The following ZCCHC4 variants were observed in gnomAD, a reference collection of about 807,000 sequenced individuals.
The protein encoded by ZCCHC4 is zinc finger CCHC-type containing 4, also known as rRNA N(6)-adenosine-methyltransferase ZCCHC4.
A neutral mutation model predicts 67.7 loss-of-function variants in ZCCHC4; 54 were observed. The observed-to-expected ratio is 0.80, with a 90% confidence interval of 0.64 to 1.00. The LOEUF (loss-of-function observed/expected upper bound fraction) is 1.00, where lower values mean the gene tolerates loss of function less well. ZCCHC4 is among the 50% of genes least tolerant of loss of function. The pLI is 0.00. For synonymous variants in ZCCHC4, 198 were observed against 213.5 expected, an observed-to-expected ratio of 0.93 and a Z score of 0.63; for missense variants, 609 against 617.0, an observed-to-expected ratio of 0.99 and a Z score of 0.14.
chr4:25,368,433 G>C (rs1412547373), intron 12 of ZCCHC4, among the ~76,000 whole-genome samples: 1 of 152,186 alleles, frequency 6.6e-6, no homozygotes, highest in Non-Finnish European at 1.5e-5. Flanking sequence ...TGTTTTCAGA[G>C]GGTGAGTTCC....
At chr4:25,316,935 C>T (rs1398257642) in intron 3 of ZCCHC4, among the ~76,000 whole-genome samples, 1 of 152,064 alleles carries the variant, frequency 6.6e-6, no homozygotes, top group Non-Finnish European at 1.5e-5. Context: ...AAATACTAAA[C>T]CAAACTTTAA....
At chr4:25,341,415 T>C (rs1719751025) in intron 5 of ZCCHC4, among the ~76,000 whole-genome samples, 1 of 152,190 alleles carries the variant, frequency 6.6e-6, no homozygotes, top group Non-Finnish European at 1.5e-5. Context: ...TATTAGTTCA[T>C]GCAAGAGCTG....
chr4:25,367,526 G>T (rs974615861), intron 12 of ZCCHC4, among the ~76,000 whole-genome samples: 38 of 152,282 alleles, frequency 2.5e-4, no homozygotes, highest in African/African-American at 7.5e-4. Context: ...TTTGCCATTA[G>T]AGATTATACT....
chr4:25,340,731 T>C (rs1418573337), intron 5 of ZCCHC4, among the ~76,000 whole-genome samples: 1 of 152,224 alleles, frequency 6.6e-6, no homozygotes, highest in Non-Finnish European at 1.5e-5. Context: ...TCTCTAGATG[T>C]TTTATTATTT....
chr4:25,333,094 A>G, intron 3 of ZCCHC4, 89 bp from the exon 4 acceptor site: 4 of 1,346,848 alleles, frequency 3.0e-6, no homozygotes, highest in Non-Finnish European at 4.0e-6. Flanking sequence ...AAGTAAAAAT[A>G]CTTTTTGGAT....
intron 3 of ZCCHC4, among the ~76,000 whole-genome samples, chr4:25,326,594 G>A (rs1225050714): frequency 6.6e-6 from 1 of 151,926 alleles, no homozygotes. Flanking sequence ...TGATTACTGT[G>A]ACTTTATAAT....
intron 3 of ZCCHC4, among the ~76,000 whole-genome samples, chr4:25,329,936 A>G (rs1243666300): frequency 2.0e-5 from 3 of 152,202 alleles, no homozygotes; most frequent in African/African-American, 4.8e-5. Flanking sequence ...TAATGTCTCT[A>G]CCAATATCAT....
intron 8 of ZCCHC4, among the ~76,000 whole-genome samples, chr4:25,356,296 A>G (rs1273810121): frequency 6.6e-6 from 1 of 152,214 alleles, no homozygotes; most frequent in African/African-American, 2.4e-5. Context: ...GCAATTTGCA[A>G]AATTGTGTTT....
intron 5 of ZCCHC4, among the ~76,000 whole-genome samples, chr4:25,342,748 C>G (rs1340135400): frequency 6.6e-6 from 1 of 152,022 alleles, no homozygotes; most frequent in Non-Finnish European, 1.5e-5. Context: ...TTCTTTGTGG[C>G]CAATTTCATT....
rs1177196087 is a variant in ZCCHC4, at chr4:25,369,998, GATTATA to G, written c.*845_*850del. 1 of 152,132 alleles carries G rather than the reference GATTATA, an allele frequency of 6.6e-6. No individual in the cohort carries two copies. The highest frequency in any genetic ancestry group is 1.5e-5 in the Non-Finnish European group (1 of 68,026). 9.4% of individuals were successfully genotyped at this position (152,132 alleles called of 1,614,324 possible). A position where few individuals can be genotyped will look rare whatever the true frequency, so the allele number is the denominator to read the frequency against. On this transcript the variant is annotated 3_prime_UTR_variant, in exon 13 of 13. Coordinates refer to ENST00000302874, the MANE Select transcript of ZCCHC4 (RefSeq NM_024936.3). ...TACAAAGGCACTGTTTAGATATACAGATTATAATTATAATTACATTATTATTAAATA... is the reference window on the plus strand; with the variant it reads ...TACAAAGGCACTGTTTAGATATACAGATTATAATTACATTATTATTAAATA...
At chr4:25,350,305 G>A (rs544645118) in intron 7 of ZCCHC4, among the ~76,000 whole-genome samples, 1 of 126,946 alleles carries the variant, frequency 7.9e-6, no homozygotes, top group Admixed American at 9.8e-5. Flanking sequence ...CTGTCACCCA[G>A]TCTGGAGTGC....
At chr4:25,327,466 C>T (rs11930401) in intron 3 of ZCCHC4, among the ~76,000 whole-genome samples, 12,218 of 150,182 alleles carry the variant, frequency 0.081, 568 homozygotes, top group South Asian at 0.12. Flanking sequence ...TGCTTCGTCC[C>T]CCACCACCCT....
At position 25,369,572 on chromosome 4, in the gene ZCCHC4, T is replaced by TA. The variant is rs377168994; in HGVS notation, c.*409dup. On this transcript the variant is annotated 3_prime_UTR_variant, in exon 13 of 13. Coordinates refer to ENST00000302874, the MANE Select transcript of ZCCHC4 (RefSeq NM_024936.3). ...CCTTAGCCTCCTGAGTAGCTGGAAT[T>TA]ATAGGCACATGCCACCACGACTGGC... 3.6e-5 allele frequency: 6 copies of TA among 165,298 alleles called. No individual in the cohort carries two copies. Among genetic ancestry groups the TA allele is most frequent in the African/African-American group, 1.4e-4 (6 of 41,556 alleles). 10.2% of individuals were successfully genotyped at this position (165,298 alleles called of 1,614,324 possible).
intron 8 of ZCCHC4, 113 bp downstream of exon 8, chr4:25,351,802 ATAT>A: frequency 9.7e-7 from 1 of 1,035,914 alleles, no homozygotes; most frequent in Middle Eastern, 2.2e-4. Context: ...TTAAACACTA[ATAT>A]TATACCATAT....
intron 5 of ZCCHC4, among the ~76,000 whole-genome samples, chr4:25,340,612 C>T (rs945697483): frequency 2.6e-5 from 4 of 152,072 alleles, no homozygotes; most frequent in African/African-American, 4.8e-5. Context: ...ATTAAGTTGT[C>T]CAGTCCATGA....
intron 8 of ZCCHC4, among the ~76,000 whole-genome samples, chr4:25,353,528 C>T (rs1329146325): frequency 6.6e-6 from 1 of 152,198 alleles, no homozygotes; most frequent in Non-Finnish European, 1.5e-5. Flanking sequence ...AAGTTAACTA[C>T]GTAAACGGGT....
At chr4:25,327,096 C>T (rs1718919652) in intron 3 of ZCCHC4, among the ~76,000 whole-genome samples, 1 of 152,010 alleles carries the variant, frequency 6.6e-6, no homozygotes, top group South Asian at 2.1e-4. Flanking sequence ...TTGAAGATTT[C>T]CTTAGGATTT....
Position 25,369,745 on chromosome 4 carries a change from A to G in ZCCHC4, c.*581A>G, listed in dbSNP as rs1721075639. ...CACCTCACCCAGCTCCGGTCACATT[A>G]TTCTAGCCTTTTTATCCAAAAAATG... is the stretch of plus-strand genomic sequence containing the variant. On this transcript the variant is annotated 3_prime_UTR_variant, in exon 13 of 13. Transcript: ENST00000302874. 6.6e-6 allele frequency: 1 copy of G among 152,364 alleles called. No homozygotes were observed. Among genetic ancestry groups the G allele is most frequent in the South Asian group, 2.1e-4 (1 of 4,832 alleles). The allele number at this position is 152,364 out of a possible 1,614,324, so 9.4% of individuals were successfully genotyped here.
intron 8 of ZCCHC4, chr4:25,352,035 C>T (rs1472535489): frequency 2.7e-5 from 27 of 1,006,224 alleles, no homozygotes; most frequent in Non-Finnish European, 3.0e-5. Context: ...CCCCCCCACC[C>T]CTGGTTCATC....
Sources: allele counts gnomAD v4.1 joint callset (sites outside exome capture counted in the v4.1 genomes callset), GRCh38; gene constraint gnomAD v4.1.1; transcripts MANE v1.5; gene names NCBI Gene and HGNC (gene_info 2026-07-23, HGNC 2026-07-21).